CCAR2: variants seen among roughly 807,000 people sequenced by gnomAD.
CCAR2 encodes cell cycle and apoptosis regulator protein 2.
In CCAR2, 21 loss-of-function variants were observed where a neutral mutation model predicts 108.1. The ratio of observed to expected loss-of-function variants is 0.19; its 90% CI spans 0.14 to 0.28. The LOEUF is 0.28. Among genes scored for constraint, CCAR2 ranks in the 10% least tolerant of loss-of-function variants. The pLI is 1.00. For missense variants in CCAR2, 1,126 were observed against 1,177.0 expected, an observed-to-expected ratio of 0.96 and a Z score of 0.63; for synonymous variants, 577 against 472.8, an observed-to-expected ratio of 1.22 and a Z score of -2.86.
chr8:22,618,308 G>T (rs769931755), intron 16 of CCAR2, 41 bp from the exon 17 acceptor site: 3 of 1,613,508 alleles, frequency 1.9e-6, no homozygotes, highest in South Asian at 1.1e-5. Context: ...GCCACTGAGG[G>T]AACTATTTGC....
At position 22,618,595 on chromosome 8, in the gene CCAR2, TCAG is replaced by T. The variant is rs545352051; in HGVS notation, c.2221-18_2221-16del. 1.0e-4 allele frequency: 169 copies of T among 1,613,938 alleles called. No homozygotes were observed. In the East Asian group the frequency reaches 3.5e-3, roughly 34 times the overall value. On this transcript the variant is annotated intron_variant, in intron 17 of 20. Transcript: ENST00000308511. ...CAGGGTCGGGGACGGGGCCTTCTGA[TCAG>T]CAGATGTGTTTTCTGCAGGCCAAGC... is the stretch of plus-strand genomic sequence containing the variant.
intron 7 of CCAR2, among the ~76,000 whole-genome samples, chr8:22,610,158 C>G (rs57985107): frequency 0.011 from 1,690 of 152,232 alleles, 32 homozygotes; most frequent in East Asian, 0.063. Flanking sequence ...TATTACCATT[C>G]GTCAGTAGAG....
At chr8:22,613,934 T>C (rs1193575600) in intron 8 of CCAR2, 158 bp from the exon 9 acceptor site, 1 of 621,160 alleles carries the variant, frequency 1.6e-6, no homozygotes, top group East Asian at 2.8e-5. Flanking sequence ...AGTTTGTAAA[T>C]TAAGTGGTCA....
rs942088923 is a variant in CCAR2, at chr8:22,607,477, T to TG, written c.487+152_487+153insG. 1.1e-5 allele frequency: 10 copies of TG among 906,092 alleles called. No homozygotes were observed. In the African/African-American group the frequency reaches 1.4e-4, roughly 13 times the overall value. 56.1% of individuals were successfully genotyped at this position (906,092 alleles called of 1,614,324 possible). ...GGATAGGTGTTTAGGGTTTTTTTTT[T>TG]TTTTTTTTTTGATGGAGTCTCGCTC... On this transcript the variant is annotated intron_variant, in intron 6 of 20. Transcript: ENST00000308511.
At chr8:22,611,428 A>ATATGTG (rs1801277647) in intron 7 of CCAR2, among the ~76,000 whole-genome samples, 1 of 135,146 alleles carries the variant, frequency 7.4e-6, no homozygotes, top group African/African-American at 3.2e-5. Flanking sequence ...ATATGTGTGT[A>ATATGTG]TATATGTGTG....
Position 22,616,155 on chromosome 8 carries a change from C to T in CCAR2, c.1752C>T (p.Thr584=), listed in dbSNP as rs752617031. ...AGGAGGCGGCCAAGGAAGAAGCCAC[C>T]AAGGAGGAAGAAGCCATCAAAGAGG... ...EKEEAAKEEA[T]KEEEAIKEEV... The change falls in exon 14 of 21, where the codon ACC becomes ACT. Residue 584 remains threonine (T), a synonymous_variant. Transcript: ENST00000308511. 16 of 1,613,750 alleles carry T rather than the reference C, an allele frequency of 9.9e-6. No homozygotes were observed. The highest frequency in any genetic ancestry group is 8.3e-5 in the Admixed American group (5 of 59,980).
intron 7 of CCAR2, among the ~76,000 whole-genome samples, chr8:22,610,835 G>A (rs3735900): frequency 0.011 from 1,683 of 152,302 alleles, 33 homozygotes; most frequent in East Asian, 0.062. Flanking sequence ...ATGGCAGTGG[G>A]TTTTATTTCT....
chr8:22,607,397 T>C, intron 6 of CCAR2, 72 bp downstream of exon 6: 1 of 1,576,464 alleles, frequency 6.3e-7, no homozygotes, highest in South Asian at 1.1e-5. Context: ...TTCAGGTTGC[T>C]GCTCTTAGCA....
At chr8:22,607,472 T>G (rs1213919669) in intron 6 of CCAR2, 147 bp downstream of exon 6, 4 of 821,648 alleles carry the variant, frequency 4.9e-6, no homozygotes, top group Admixed American at 3.6e-5. Context: ...TTAGGGTTTT[T>G]TTTTTTTTTT....
intron 6 of CCAR2, 43 bp from the exon 7 acceptor site, chr8:22,607,925 CG>C: frequency 6.4e-7 from 1 of 1,559,562 alleles, no homozygotes; most frequent in Non-Finnish European, 8.8e-7. Context: ...TGCACCCGGC[CG>C]GTTTTTAGGG....
intron 7 of CCAR2, among the ~76,000 whole-genome samples, chr8:22,612,198 C>T (rs1481687400): frequency 2.6e-5 from 4 of 152,118 alleles, no homozygotes; most frequent in South Asian, 2.1e-4. Context: ...CCGCCCACTT[C>T]GGCCTCCCTA....
chr8:22,607,453 G>A (rs943420952), intron 6 of CCAR2, 128 bp downstream of exon 6: 4 of 941,624 alleles, frequency 4.2e-6, no homozygotes, highest in Non-Finnish European at 6.1e-6. Flanking sequence ...GGGCAATCTG[G>A]ATAGGTGTTT....
chr8:22,619,817 C>G lies in CCAR2; in HGVS notation c.*135C>G. ...GGGTGGCTGACCCCATGCTCAGCCT[C>G]TAGGGGACGGCAGGCCATCAGGCTG... On this transcript the variant is annotated 3_prime_UTR_variant, in exon 21 of 21. Coordinates refer to ENST00000308511, the MANE Select transcript of CCAR2 (RefSeq NM_001393997.1). 2 of 909,808 alleles carry G rather than the reference C, an allele frequency of 2.2e-6. No individual in the cohort carries two copies. Among genetic ancestry groups the G allele is most frequent in the Non-Finnish European group, 3.4e-6 (2 of 585,686 alleles). The allele number at this position is 909,808 out of a possible 1,614,324, so 56.4% of individuals were successfully genotyped here.
At chr8:22,618,803 A>ATTCTT (rs751690090) in intron 18 of CCAR2, 24 bp from the exon 19 acceptor site, 3 of 1,613,092 alleles carry the variant, frequency 1.9e-6, no homozygotes, top group Non-Finnish European at 2.5e-6. Flanking sequence ...TCCATCCTGA[A>ATTCTT]TTCTTTTTCA....
Position 22,615,523 on chromosome 8 carries a change from C to A in CCAR2, c.1304C>A (p.Thr435Asn). The change falls in exon 12 of 21, where the codon ACT (threonine) becomes AAT (asparagine). Residue 435 changes from threonine to asparagine, a missense_variant. By Grantham distance (65) the Thr-to-Asn change is moderately conservative (BLOSUM62 0). Coordinates refer to ENST00000308511, the MANE Select transcript of CCAR2 (RefSeq NM_001393997.1). ...CCGGATGTCTGGACCATCATGCCTACTTTGGAGGAGTGGGAGGCCCTGTGC... is the reference window on the plus strand; with the variant it reads ...CCGGATGTCTGGACCATCATGCCTAATTTGGAGGAGTGGGAGGCCCTGTGC... The part of the protein sequence containing the change: ...YLPDVWTIMP[T>N]LEEWEALCQQ... 1 of 1,614,032 alleles carries A rather than the reference C, an allele frequency of 6.2e-7. No homozygotes were observed.
In CCAR2 at chr8:22,620,360, ATTC is replaced by A. The variant is rs1383261891; in HGVS notation, c.*681_*683del. The A allele has an allele frequency of 6.7e-6, 1 of 150,014 alleles. No homozygotes were observed. The highest frequency in any genetic ancestry group is 1.5e-5 in the Non-Finnish European group (1 of 67,578). The allele number at this position is 150,014 out of a possible 1,614,324, so 9.3% of individuals were successfully genotyped here. A position where few individuals can be genotyped will look rare whatever the true frequency, so the allele number is the denominator to read the frequency against. ...CCAGCCTTCTCCCCTGTTACCCATA[ATTC>A]TTGCCTCTTTCCATAATCCGTGGTT... On this transcript the variant is annotated 3_prime_UTR_variant, in exon 21 of 21. Transcript: ENST00000308511.
At chr8:22,621,372 G>A (rs1371833412), downstream of CCAR2, 2 of 1,578,726 alleles carry the variant, frequency 1.3e-6, no homozygotes, top group South Asian at 1.2e-5. Context: ...GAAGGGCAAG[G>A]ATGAATGAGG....
In CCAR2 at chr8:22,619,675, G is replaced by GCAA; in HGVS notation, c.2767_2769dup (p.Asn923dup). 1 of 1,572,850 alleles carries GCAA rather than the reference G, an allele frequency of 6.4e-7. No individual in the cohort carries two copies. Among genetic ancestry groups the GCAA allele is most frequent in the Non-Finnish European group, 8.6e-7 (1 of 1,158,658 alleles). ...GTGGAGAAGGAGGAGCCGGCACCTA[G>GCAA]CAACTGACGGCCTCGCACGGAACTG... On this transcript the variant is annotated inframe_insertion, in exon 21 of 21. Coordinates refer to ENST00000308511, the MANE Select transcript of CCAR2 (RefSeq NM_001393997.1).
chr8:22,616,154 C>A lies in CCAR2; in HGVS notation c.1751C>A (p.Thr584Asn). ...EKEEAAKEEA[T>N]KEEEAIKEEV... Reference sequence around the variant, plus strand: ...GAGGAGGCGGCCAAGGAAGAAGCCACCAAGGAGGAAGAAGCCATCAAAGAG... The same window carrying A: ...GAGGAGGCGGCCAAGGAAGAAGCCAACAAGGAGGAAGAAGCCATCAAAGAG... The change falls in exon 14 of 21, where the codon ACC (threonine) becomes AAC (asparagine). Residue 584 changes from threonine (T) to asparagine (N), a missense_variant. Physicochemically the swap from Thr to Asn is moderately conservative, Grantham distance 65 (BLOSUM62 0). Coordinates refer to ENST00000308511, the MANE Select transcript of CCAR2 (RefSeq NM_001393997.1). The A allele has an allele frequency of 6.2e-7, 1 of 1,613,890 alleles. No individual in the cohort carries two copies.
Sources: allele counts gnomAD v4.1 joint callset (sites outside exome capture counted in the v4.1 genomes callset), GRCh38; gene constraint gnomAD v4.1.1; transcripts MANE v1.5; gene names NCBI Gene and HGNC (gene_info 2026-07-23, HGNC 2026-07-21).